BRD1: variants seen among roughly 807,000 people sequenced by gnomAD.
BRD1 encodes the protein bromodomain containing 1.
In BRD1, 24 loss-of-function variants were observed where a neutral mutation model predicts 107.7. The observed-to-expected ratio is 0.22, with a 90% confidence interval of 0.16 to 0.31. BRD1 has a LOEUF of 0.31. Ranked by LOEUF, BRD1 falls within the 10% of genes least tolerant of loss-of-function variation. The probability of loss-of-function intolerance (pLI) is 1.00; values close to 1 mark genes in which losing one functional copy is unlikely to be tolerated. For missense variants in BRD1, 1,279 were observed against 1,638.6 expected, an observed-to-expected ratio of 0.78 and a Z score of 3.79; for synonymous variants, 744 against 686.1, an observed-to-expected ratio of 1.08 and a Z score of -1.32.
At chr22:49,810,202 G>A (rs2059824492) in intron 2 of BRD1, among the ~76,000 whole-genome samples, 1 of 152,178 alleles carries the variant, frequency 6.6e-6, no homozygotes, top group South Asian at 2.1e-4. Flanking sequence ...CTGCTATCAG[G>A]TAAAGGTAGA....
At chr22:49,822,031 C>T (rs980919178) in intron 2 of BRD1, among the ~76,000 whole-genome samples, 2 of 152,270 alleles carry the variant, frequency 1.3e-5, no homozygotes, top group Admixed American at 6.5e-5. Flanking sequence ...TGCCGGCAGT[C>T]ACTGGGAAGC....
Position 49,824,643 on chromosome 22 carries a change from C to T in BRD1, c.-14-312G>A, listed in dbSNP as rs2060126907. The T allele has an allele frequency of 1.7e-6, 2 of 1,166,822 alleles. No individual in the cohort carries two copies. Among genetic ancestry groups the T allele is most frequent in the Non-Finnish European group, 2.1e-6 (2 of 939,264 alleles). 72.3% of individuals were successfully genotyped at this position (1,166,822 alleles called of 1,614,324 possible). On this transcript the variant is annotated intron_variant, in intron 1 of 12. Coordinates refer to ENST00000404760, the MANE Select transcript of BRD1 (RefSeq NM_001304808.3). This position sits in a 1 kb window ranked among gnomAD's most constrained non-coding sequence, Gnocchi z 5.9. ...ACAGGCTGCGGAGACCACAGCAACGCTCCCCAAGGAGGAGGGGTCCGGCCC... is the reference window on the plus strand; with the variant it reads ...ACAGGCTGCGGAGACCACAGCAACGTTCCCCAAGGAGGAGGGGTCCGGCCC...
chr22:49,797,701 G>C, intron 6 of BRD1, 104 bp downstream of exon 6: 1 of 1,203,884 alleles, frequency 8.3e-7, no homozygotes, highest in South Asian at 1.7e-5. Flanking sequence ...TTGCATGCTA[G>C]TGGCTCCCGG....
Position 49,797,656 on chromosome 22 carries a change from G to A in BRD1, c.2098+149C>T. 4.2e-6 allele frequency: 3 copies of A among 713,322 alleles called. No individual in the cohort carries two copies. In the Admixed American group the frequency reaches 9.8e-5, roughly 23 times the overall value. 44.2% of individuals were successfully genotyped at this position (713,322 alleles called of 1,614,324 possible). ...CCACCTGCTTCTTTTCCATTTTTCA[G>A]TGAGGCTACTAGAAAATGTAAATGA... On this transcript the variant is annotated intron_variant, in intron 6 of 12. Coordinates refer to ENST00000404760, the MANE Select transcript of BRD1 (RefSeq NM_001304808.3).
At chr22:49,801,609 C>G (rs2059642344) in intron 3 of BRD1, among the ~76,000 whole-genome samples, 1 of 152,252 alleles carries the variant, frequency 6.6e-6, no homozygotes, top group Non-Finnish European at 1.5e-5. Flanking sequence ...CGGCTCAAGT[C>G]CAGGCAGCTC....
At chr22:49,822,852 G>A (rs1199191504) in intron 2 of BRD1, 99 bp downstream of exon 2, 8 of 1,396,834 alleles carry the variant, frequency 5.7e-6, no homozygotes, top group African/African-American at 1.4e-5. Context: ...AACTAGAAAC[G>A]CAATGACCAC....
At position 49,822,976 on chromosome 22, in the gene BRD1, A is replaced by G; in HGVS notation, c.1342T>C (p.Cys448Arg). 1 of 1,614,200 alleles carries G rather than the reference A, an allele frequency of 6.2e-7. No homozygotes were observed. The highest frequency in any genetic ancestry group is 8.5e-7 in the Non-Finnish European group (1 of 1,180,052). Residue 448 changes from cysteine to arginine, a missense_variant, in exon 2 of 13, where the codon TGC (cysteine) becomes CGC (arginine). Physicochemically the swap from Cys to Arg is radical, Grantham distance 180 (BLOSUM62 -3). This residue lies in a region of BRD1 where 87 missense variants were observed against 77.1 expected (regional missense o/e 1.13). Coordinates refer to ENST00000404760, the MANE Select transcript of BRD1 (RefSeq NM_001304808.3). The part of the protein sequence containing the change: ...AEPCAVLPTV[C>R]APYIPPQRLN... ...CTCTGCGGGGGAATATAAGGAGCGC[A>G]CACGGTCGGCAGGACCGCGCAGGGC...
chr22:49,775,930 GCCCC>G (rs916537024), intron 11 of BRD1, 116 bp downstream of exon 11: 71 of 756,940 alleles, frequency 9.4e-5, no homozygotes, highest in Non-Finnish European at 1.1e-4. Context: ...GACCAACCCC[GCCCC>G]CCCGCCAGCT....
chr22:49,824,768 G>A lies in BRD1; in HGVS notation c.-14-437C>T, dbSNP rs115923819. 2,125 of 1,027,874 alleles carry A rather than the reference G, an allele frequency of 2.1e-3. 40 individuals carry two copies. The African/African-American group carries it at 0.034, about 16-fold the overall frequency. The allele number at this position is 1,027,874 out of a possible 1,614,324, so 63.7% of individuals were successfully genotyped here. A position where few individuals can be genotyped will look rare whatever the true frequency, so the allele number is the denominator to read the frequency against. On this transcript the variant is annotated intron_variant, in intron 1 of 12. Coordinates refer to ENST00000404760, the MANE Select transcript of BRD1 (RefSeq NM_001304808.3). This position sits in a 1 kb window ranked among gnomAD's most constrained non-coding sequence, Gnocchi z 5.9. ...CCAGGCACAGAGGCTATGCCCACCA[G>A]ACAGGCATGCTCAGTGGCTACCTGG...
intron 2 of BRD1, among the ~76,000 whole-genome samples, chr22:49,805,294 G>A (rs767832505): frequency 9.8e-5 from 15 of 152,322 alleles, no homozygotes; most frequent in African/African-American, 3.1e-4. Flanking sequence ...TGGCTCAAGC[G>A]TGGAGCCTGC....
intron 8 of BRD1, 86 bp downstream of exon 8, chr22:49,787,304 C>CCA: frequency 1.2e-6 from 1 of 829,462 alleles, no homozygotes; most frequent in Admixed American, 3.4e-5. Context: ...TGGACACCCC[C>CCA]CCCCCCCCGT....
At chr22:49,814,404 G>C (rs1395237470) in intron 2 of BRD1, among the ~76,000 whole-genome samples, 1 of 152,158 alleles carries the variant, frequency 6.6e-6, no homozygotes, top group East Asian at 1.9e-4. Context: ...GCCGGCCAGA[G>C]CCCTGAATCT....
rs181228447 is a variant in BRD1 at position 49,815,218 on chromosome 22, T to C, written c.1367+7733A>G. Among the ~76,000 whole-genome samples, 256 of 152,292 alleles carry C rather than the reference T, an allele frequency of 1.7e-3. 1 individual carries two copies. The highest frequency in any genetic ancestry group is 6.8e-3 in the Middle Eastern group (2 of 294). On this transcript the variant is annotated intron_variant, in intron 2 of 12. Transcript: ENST00000404760. ...GCACTCAGAGTTTTCCCCAGCACAA[T>C]TTTTATTTGCTTCAGCTTTTTCAAT... is the stretch of plus-strand genomic sequence containing the variant.
At position 49,810,072 on chromosome 22, in the gene BRD1, CT is replaced by C. The variant is rs1251564026; in HGVS notation, c.1368-5713del. 6.6e-5 allele frequency among the ~76,000 whole-genome samples: 10 copies of C among 152,160 alleles called. 1 individual carries two copies. The highest frequency in any genetic ancestry group is 5.2e-4 in the Admixed American group (8 of 15,280). ...GAATGCGTACCATGCAGGTCACGTCCTTTGCCCACAGCACAAGCAATGGATA... is the reference window on the plus strand; with the variant it reads ...GAATGCGTACCATGCAGGTCACGTCCTTGCCCACAGCACAAGCAATGGATA... On this transcript the variant is annotated intron_variant, in intron 2 of 12. Transcript: ENST00000404760.
Position 49,804,373 on chromosome 22 carries a change from C to A in BRD1, c.1368-13G>T. ...AATCCTATTTAACCTAAAACACAAA[C>A]ACTCAGTGTATCTTTGAAGCAGTAC... On this transcript the variant is annotated splice_polypyrimidine_tract_variant and intron_variant, in intron 2 of 12. Transcript: ENST00000404760. 6.3e-7 allele frequency: 1 copy of A among 1,594,704 alleles called. No homozygotes were observed. Among genetic ancestry groups the A allele is most frequent in the Non-Finnish European group, 8.6e-7 (1 of 1,167,214 alleles).
chr22:49,815,412 G>A lies in BRD1; in HGVS notation c.1367+7539C>T, dbSNP rs532274778. On this transcript the variant is annotated intron_variant, in intron 2 of 12. Transcript: ENST00000404760. ...ACAAAAATTAGTTGGGCGTGGTGAC[G>A]TGCACCTGTAATTCCGGCTATTCGG... Among the ~76,000 whole-genome samples, 63 of 152,184 alleles carry A rather than the reference G, an allele frequency of 4.1e-4. No individual in the cohort carries two copies. The South Asian group carries it at 7.0e-3, about 17-fold the overall frequency.
In BRD1 at chr22:49,824,022, T is replaced by C; in HGVS notation, c.296A>G (p.Lys99Arg). ...TKRHKNNRVK[K>R]KNEALPSAHG... ...GGCGCTGGGGAGGGCCTCGTTTTTC[T>C]TTTTGACTCTGTTGTTTTTGTGACG... Residue 99 changes from lysine (K) to arginine (R), a missense_variant, in exon 2 of 13, where the codon AAG becomes AGG. Physicochemically the swap from Lys to Arg is conservative, Grantham distance 26. This residue lies in a region of BRD1 where 223 missense variants were observed against 263.5 expected (regional missense o/e 0.85). Transcript: ENST00000404760. This position sits in a 1 kb window ranked among gnomAD's most constrained non-coding sequence, Gnocchi z 5.9. 6.2e-7 allele frequency: 1 copy of C among 1,613,880 alleles called. No individual in the cohort carries two copies. Among genetic ancestry groups the C allele is most frequent in the South Asian group, 1.1e-5 (1 of 91,088 alleles).
chr22:49,819,816 A>C (rs2060029727), intron 2 of BRD1, among the ~76,000 whole-genome samples: 1 of 152,064 alleles, frequency 6.6e-6, no homozygotes, highest in Middle Eastern at 3.2e-3. Context: ...ACTTACAAAA[A>C]AACAGATTAT....
Position 49,798,538 on chromosome 22 carries a change from C to T in BRD1, c.1785+20G>A, listed in dbSNP as rs764559130. Reference sequence around the variant, plus strand: ...ACAGTCACACATGCGGCAGGACAGACGAGCGCCGCAAACACCCACCTCCTT... The same window carrying T: ...ACAGTCACACATGCGGCAGGACAGATGAGCGCCGCAAACACCCACCTCCTT... On this transcript the variant is annotated intron_variant, in intron 5 of 12. Coordinates refer to ENST00000404760, the MANE Select transcript of BRD1 (RefSeq NM_001304808.3). 21 of 1,613,974 alleles carry T rather than the reference C, an allele frequency of 1.3e-5. No homozygotes were observed. The highest frequency in any genetic ancestry group is 4.0e-5 in the African/African-American group (3 of 74,944).
Sources: gnomAD v4.1 joint callset for allele counts (sites outside exome capture counted in the v4.1 genomes callset) on GRCh38, gnomAD v4.1.1 for gene constraint, gnomAD v4.1.1 regional missense constraint, Gnocchi (gnomAD v3.1) non-coding constraint, MANE v1.5 for transcripts, NCBI Gene and HGNC (gene_info 2026-07-23, HGNC 2026-07-21) for gene names.